Variants in LRRC3C observed in about 807,000 individuals in gnomAD.
The protein encoded by LRRC3C is leucine rich repeat containing 3C.
A neutral mutation model predicts 14.8 loss-of-function variants in LRRC3C; 11 were observed. That is an observed-to-expected ratio of 0.74 (90% CI 0.47 to 1.23). The LOEUF (loss-of-function observed/expected upper bound fraction) is 1.23. LRRC3C is among the 50% of genes most tolerant of loss of function. LRRC3C has a pLI of 0.00. For synonymous variants in LRRC3C, 149 were observed against 161.5 expected (o/e 0.92, Z 0.59); for missense variants, 354 against 361.8 (o/e 0.98, Z 0.18).
At chr17:39,941,673 C>A in intron 3 of LRRC3C, 124 bp downstream of exon 3, 3 of 824,826 alleles carry the variant, frequency 3.6e-6, no homozygotes, top group Non-Finnish European at 5.8e-6. Flanking sequence ...TCAGGCTCAA[C>A]GTGCAAGGAT....
Position 39,944,218 on chromosome 17 carries a change from C to A in LRRC3C, c.312C>A (p.Val104=). 1 of 1,535,916 alleles carries A rather than the reference C, an allele frequency of 6.5e-7. No individual in the cohort carries two copies. Among genetic ancestry groups the A allele is most frequent in the Non-Finnish European group, 8.7e-7 (1 of 1,146,832 alleles). ...CTGGTGCCTTCCAGCACCTGCCTGT[C>A]CTGGAGGAGTTGGATCTGTCCCATA... ...VPAGAFQHLP[V]LEELDLSHNA... The change falls in exon 4 of 4, where the codon GTC becomes GTA. Residue 104 remains valine (V), a synonymous_variant. Transcript: ENST00000377924.
chr17:39,931,766 C>T (rs1389137481), intron 1 of LRRC3C, among the ~76,000 whole-genome samples: 2 of 3,338 alleles, frequency 6.0e-4, no homozygotes, highest in African/African-American at 2.3e-3. Context: ...TTTCCTGCCT[C>T]AGCCTCCCGA....
At chr17:39,936,350 C>T (rs1037161558) in intron 2 of LRRC3C, among the ~76,000 whole-genome samples, 5 of 152,310 alleles carry the variant, frequency 3.3e-5, no homozygotes, top group Admixed American at 6.5e-5. Context: ...CAAGACAGAG[C>T]GTGAGACTCC....
At chr17:39,930,459 G>A (rs1338095911) in intron 1 of LRRC3C, among the ~76,000 whole-genome samples, 3 of 133,304 alleles carry the variant, frequency 2.3e-5, no homozygotes, top group Non-Finnish European at 4.7e-5. Context: ...TGTAACCCCA[G>A]TACTTTGGGA....
chr17:39,936,790 C>A (rs1435878950), intron 2 of LRRC3C, among the ~76,000 whole-genome samples: 2 of 151,610 alleles, frequency 1.3e-5, no homozygotes, highest in African/African-American at 4.9e-5. Flanking sequence ...GCACTCCAGG[C>A]TGGGAGACAG....
In LRRC3C at chr17:39,944,558, C is replaced by G. The variant is rs532269168; in HGVS notation, c.652C>G (p.Arg218Gly). ...ELCGSGWGGA[R>G]RSTDVALLVT... is the part of the protein sequence containing the mutation. Reference sequence around the variant, plus strand: ...GTGTGGGTCGGGGTGGGGTGGGGCCCGGAGGAGCACCGATGTGGCCCTGCT... The same window carrying G: ...GTGTGGGTCGGGGTGGGGTGGGGCCGGGAGGAGCACCGATGTGGCCCTGCT... The change falls in exon 4 of 4, where the codon CGG becomes GGG. Residue 218 changes from arginine (R) to glycine (G), a missense_variant. Physicochemically the swap from Arg to Gly is moderately radical, Grantham distance 125 (BLOSUM62 -2). Coordinates refer to ENST00000377924, the MANE Select transcript of LRRC3C (RefSeq NM_001195545.2). 2.0e-6 allele frequency: 3 copies of G among 1,525,026 alleles called. No homozygotes were observed. In the South Asian group the frequency reaches 3.6e-5, roughly 19 times the overall value. 94.5% of individuals were successfully genotyped at this position (1,525,026 alleles called of 1,614,324 possible).
At chr17:39,939,989 G>A (rs146767078) in intron 2 of LRRC3C, among the ~76,000 whole-genome samples, 27 of 152,314 alleles carry the variant, frequency 1.8e-4, no homozygotes, top group African/African-American at 6.0e-4. Flanking sequence ...TGTGAGAGAG[G>A]AACAGGGGGA....
intron 1 of LRRC3C, among the ~76,000 whole-genome samples, chr17:39,935,449 T>C (rs1440310669): frequency 2.0e-5 from 3 of 152,214 alleles, no homozygotes; most frequent in East Asian, 3.9e-4. Context: ...CCTCATTGGC[T>C]GGGGGACATT....
Position 39,943,986 on chromosome 17 carries a change from G to T in LRRC3C, c.80G>T (p.Gly27Val). ...TTTATGGCCATGCTCCCAACAGCAG[G>T]TCACCTCCTGCCCCTCCTGCTGGTG... ...CQFMAMLPTA[G>V]HLLPLLLVIG... The change falls in exon 4 of 4, where the codon GGT becomes GTT. Residue 27 changes from glycine (G) to valine (V), a missense_variant. Gly to Val is a moderately radical substitution (Grantham distance 109, BLOSUM62 -3). Coordinates refer to ENST00000377924, the MANE Select transcript of LRRC3C (RefSeq NM_001195545.2). 6.5e-7 allele frequency: 1 copy of T among 1,536,100 alleles called. No homozygotes were observed. Among genetic ancestry groups the T allele is most frequent in the Non-Finnish European group, 8.7e-7 (1 of 1,146,880 alleles).
Position 39,930,728 on chromosome 17 carries a change from A to G in LRRC3C, c.-175+2914A>G, listed in dbSNP as rs1334107318. On this transcript the variant is annotated intron_variant, in intron 1 of 3. Coordinates refer to ENST00000377924, the MANE Select transcript of LRRC3C (RefSeq NM_001195545.2). ...TGTCTCAAAAAAAAAAAAAAAAAAA[A>G]AAAGATTTTATTAAGTTATCAGGCA... 4.0e-5 allele frequency among the ~76,000 whole-genome samples: 6 copies of G among 151,468 alleles called. No homozygotes were observed. In the East Asian group the frequency reaches 7.7e-4, roughly 19 times the overall value.
chr17:39,944,287 G>A lies in LRRC3C; in HGVS notation c.381G>A (p.Glu127=). 6.5e-7 allele frequency: 1 copy of A among 1,535,350 alleles called. No individual in the cohort carries two copies. Among genetic ancestry groups the A allele is most frequent in the Non-Finnish European group, 8.7e-7 (1 of 1,146,600 alleles). The change falls in exon 4 of 4, where the codon GAG becomes GAA. Residue 127 remains glutamate, a synonymous_variant. Transcript: ENST00000377924. Reference sequence around the variant, plus strand: ...CAGGGGCGGCTTTCCAGGGCCTGGAGGGCACATTGCGCCACCTCGACCTCT... The same window carrying A: ...CAGGGGCGGCTTTCCAGGGCCTGGAAGGCACATTGCGCCACCTCGACCTCT... ...HLSGAAFQGL[E]GTLRHLDLSA...
chr17:39,940,280 G>A (rs1978902568), intron 2 of LRRC3C, among the ~76,000 whole-genome samples: 1 of 152,160 alleles, frequency 6.6e-6, no homozygotes, highest in African/African-American at 2.4e-5. Context: ...GAAACTGCTT[G>A]TTCAAAGGTA....
Position 39,944,095 on chromosome 17 carries a change from C to A in LRRC3C, c.189C>A (p.Phe63Leu). The change falls in exon 4 of 4, where the codon TTC becomes TTA. Residue 63 changes from phenylalanine to leucine, a missense_variant. Transcript: ENST00000377924. ...CAAAGGAAGCAGGTGAACGGACGTTCCGCTGCAGCCAGGCAGGCCTCAGTG... is the reference window on the plus strand; with the variant it reads ...CAAAGGAAGCAGGTGAACGGACGTTACGCTGCAGCCAGGCAGGCCTCAGTG... ...YVAKEAGERT[F>L]RCSQAGLSAV... 6.5e-7 allele frequency: 1 copy of A among 1,536,114 alleles called. No homozygotes were observed. Among genetic ancestry groups the A allele is most frequent in the Non-Finnish European group, 8.7e-7 (1 of 1,146,890 alleles).
chr17:39,943,443 TACCTAGTC>T (rs1228393140), intron 3 of LRRC3C, among the ~76,000 whole-genome samples: 1 of 152,196 alleles, frequency 6.6e-6, no homozygotes, highest in Admixed American at 6.5e-5. Context: ...AGGTCTATTT[TACCTAGTC>T]ACCTGGCCTA....
At chr17:39,931,404 C>A (rs1363251923) in intron 1 of LRRC3C, among the ~76,000 whole-genome samples, 3 of 146,742 alleles carry the variant, frequency 2.0e-5, no homozygotes, top group Non-Finnish European at 3.0e-5. Flanking sequence ...CGAGATCATA[C>A]CACTGTACTC....
At chr17:39,932,911 G>A (rs1446537292) in intron 1 of LRRC3C, among the ~76,000 whole-genome samples, 1 of 152,066 alleles carries the variant, frequency 6.6e-6, no homozygotes, top group East Asian at 1.9e-4. Context: ...AATTAGCCAG[G>A]CATGGTGGCG....
At chr17:39,932,488 G>A (rs1978675714) in intron 1 of LRRC3C, among the ~76,000 whole-genome samples, 2 of 151,688 alleles carry the variant, frequency 1.3e-5, no homozygotes, top group Non-Finnish European at 2.9e-5. Context: ...AGGATTGCTT[G>A]AGGCCAGGAG....
chr17:39,932,321 C>T (rs1978670675), intron 1 of LRRC3C, among the ~76,000 whole-genome samples: 1 of 152,178 alleles, frequency 6.6e-6, no homozygotes, highest in South Asian at 2.1e-4. Flanking sequence ...ATTAAGTGCT[C>T]AGTATGTGTT....
At chr17:39,929,356 C>G (rs1215837046) in intron 1 of LRRC3C, 1 of 152,206 alleles carries the variant, frequency 6.6e-6, no homozygotes, top group African/African-American at 2.4e-5. Flanking sequence ...CTATTAATAA[C>G]TCCTGTTATC....
Sources: allele counts gnomAD v4.1 joint callset (sites outside exome capture counted in the v4.1 genomes callset), GRCh38; gene constraint gnomAD v4.1.1; transcripts MANE v1.5; gene names NCBI Gene and HGNC (gene_info 2026-07-23, HGNC 2026-07-21).